Variants in YWHAH observed in about 807,000 individuals in gnomAD.
YWHAH encodes tyrosine 3-monooxygenase/tryptophan 5-monooxygenase activation protein eta.
YWHAH carries 6 observed loss-of-function variants against 22.9 expected under a neutral mutation model. The ratio of observed to expected loss-of-function variants is 0.26; its 90% CI spans 0.14 to 0.52. YWHAH has a LOEUF of 0.52. Ranked by LOEUF, YWHAH falls within the 20% of genes least tolerant of loss-of-function variation. YWHAH has a pLI of 0.97. For missense variants in YWHAH, 173 were observed against 308.6 expected (o/e 0.56, Z 3.29); for synonymous variants, 135 against 124.5 (o/e 1.08, Z -0.56).
intron 1 of YWHAH, among the ~76,000 whole-genome samples, chr22:31,948,556 G>T (rs1056403035): frequency 6.6e-6 from 1 of 151,982 alleles, no homozygotes; most frequent in African/African-American, 2.4e-5. Context: ...TTATTAAATT[G>T]TATAGACAGG....
intron 1 of YWHAH, among the ~76,000 whole-genome samples, chr22:31,950,958 A>G (rs1164087178): frequency 2.6e-5 from 4 of 152,098 alleles, no homozygotes; most frequent in South Asian, 2.1e-4. Context: ...GTGCAGTGGC[A>G]CAGTCCTGGC....
In YWHAH at chr22:31,956,451, T is replaced by G. The variant is rs2093849720; in HGVS notation, c.400T>G (p.Leu134Val). The change falls in exon 2 of 2, where the codon TTA (leucine) becomes GTA (valine). Residue 134 changes from leucine to valine, a missense_variant. By Grantham distance (32) the Leu-to-Val change is conservative (BLOSUM62 1). Coordinates refer to ENST00000248975, the MANE Select transcript of YWHAH (RefSeq NM_003405.4). This position sits in a 1 kb window ranked among gnomAD's most constrained non-coding sequence, Gnocchi z 5.1. ...LKMKGDYYRY[L>V]AEVASGEKKN... ...AATGAAGGGTGATTACTACCGCTAC[T>G]TAGCAGAGGTCGCTTCTGGGGAGAA... 6.2e-7 allele frequency: 1 copy of G among 1,614,184 alleles called. No homozygotes were observed. The highest frequency in any genetic ancestry group is 8.5e-7 in the Non-Finnish European group (1 of 1,180,028).
Position 31,956,765 on chromosome 22 carries a change from G to A in YWHAH, c.714G>A (p.Gln238=). The change falls in exon 2 of 2, where the codon CAG becomes CAA. Residue 238 remains glutamine (Q), a synonymous_variant. Coordinates refer to ENST00000248975, the MANE Select transcript of YWHAH (RefSeq NM_003405.4). This position sits in a 1 kb window ranked among gnomAD's most constrained non-coding sequence, Gnocchi z 5.1. ...TCACCCTCTGGACGAGCGACCAGCAGGATGAAGAAGCAGGAGAAGGCAACT... is the reference window on the plus strand; with the variant it reads ...TCACCCTCTGGACGAGCGACCAGCAAGATGAAGAAGCAGGAGAAGGCAACT... ...DNLTLWTSDQ[Q]DEEAGEGN is the part of the protein sequence containing the mutation. The A allele has an allele frequency of 1.2e-6, 2 of 1,606,012 alleles. No individual in the cohort carries two copies. Among genetic ancestry groups the A allele is most frequent in the Non-Finnish European group, 1.7e-6 (2 of 1,175,668 alleles).
intron 1 of YWHAH, among the ~76,000 whole-genome samples, chr22:31,948,940 G>A (rs916083756): frequency 7.2e-5 from 11 of 152,216 alleles, no homozygotes; most frequent in African/African-American, 1.9e-4. Flanking sequence ...TCCACAGTCC[G>A]GAACTGACTC....
At chr22:31,948,169 A>T (rs892770590) in intron 1 of YWHAH, among the ~76,000 whole-genome samples, 1 of 152,224 alleles carries the variant, frequency 6.6e-6, no homozygotes, top group African/African-American at 2.4e-5. Context: ...GCTCCCTAGA[A>T]ATCTTAAGTG....
intron 1 of YWHAH, chr22:31,947,627 C>CTCTT: frequency 3.3e-6 from 1 of 299,830 alleles, no homozygotes. Context: ...TATCTTCAAG[C>CTCTT]TCTATCTCAT....
chr22:31,952,589 G>A (rs1227917403), intron 1 of YWHAH, among the ~76,000 whole-genome samples: 1 of 152,120 alleles, frequency 6.6e-6, no homozygotes, highest in Non-Finnish European at 1.5e-5. Context: ...CTCTGGCTGG[G>A]GTATTAGGAA....
intron 1 of YWHAH, among the ~76,000 whole-genome samples, chr22:31,946,588 AG>A (rs1277082658): frequency 6.6e-6 from 1 of 152,188 alleles, no homozygotes; most frequent in Non-Finnish European, 1.5e-5. Flanking sequence ...AGGAGGGACG[AG>A]GTTTAAAGGA....
chr22:31,945,116 G>A, intron 1 of YWHAH: 1 of 1,077,604 alleles, frequency 9.3e-7, no homozygotes, highest in Non-Finnish European at 1.1e-6. Flanking sequence ...ACCCGGCCGG[G>A]GGCAGAGGGT....
chr22:31,945,043 G>A lies in YWHAH; in HGVS notation c.87+223G>A, dbSNP rs948296102. The A allele has an allele frequency of 3.6e-6, 4 of 1,116,492 alleles. No homozygotes were observed. The African/African-American group carries it at 6.6e-5, about 18-fold the overall frequency. The allele number at this position is 1,116,492 out of a possible 1,614,324, so 69.2% of individuals were successfully genotyped here. A position where few individuals can be genotyped will look rare whatever the true frequency, so the allele number is the denominator to read the frequency against. On this transcript the variant is annotated intron_variant, in intron 1 of 1. Transcript: ENST00000248975. ...GGGGGATCCGGGAGGGTGCAGTTCG[G>A]GATCGCGAAGGCAGCCCCGGAAGGG...
At chr22:31,951,380 C>T (rs1317785362) in intron 1 of YWHAH, among the ~76,000 whole-genome samples, 1 of 152,066 alleles carries the variant, frequency 6.6e-6, no homozygotes, top group Non-Finnish European at 1.5e-5. Context: ...AAGGATGAGC[C>T]CATAGCATGT....
In YWHAH at chr22:31,956,815, C is replaced by T. The variant is rs2149469067; in HGVS notation, c.*23C>T. ...TGAAGATCCTTCAGGTCCCCTGGCCCTTCCTTCACCCACCACCCCCATCAT... is the reference window on the plus strand; with the variant it reads ...TGAAGATCCTTCAGGTCCCCTGGCCTTTCCTTCACCCACCACCCCCATCAT... On this transcript the variant is annotated 3_prime_UTR_variant, in exon 2 of 2. Coordinates refer to ENST00000248975, the MANE Select transcript of YWHAH (RefSeq NM_003405.4). The surrounding 1 kb of genome is among the most constrained non-coding windows in gnomAD (Gnocchi z 5.1). 2 of 1,544,600 alleles carry T rather than the reference C, an allele frequency of 1.3e-6. No individual in the cohort carries two copies. Among genetic ancestry groups the T allele is most frequent in the Non-Finnish European group, 1.7e-6 (2 of 1,145,054 alleles).
chr22:31,947,247 C>A (rs2093836273), intron 1 of YWHAH, among the ~76,000 whole-genome samples: 1 of 152,176 alleles, frequency 6.6e-6, no homozygotes. Flanking sequence ...GAGCAGGACA[C>A]ATGTGTTAAG....
Position 31,957,561 on chromosome 22 carries a change from T to C in YWHAH, c.*769T>C, listed in dbSNP as rs952046574. 7.2e-5 allele frequency: 11 copies of C among 152,794 alleles called. No individual in the cohort carries two copies. The highest frequency in any genetic ancestry group is 2.2e-4 in the African/African-American group (9 of 41,578). The allele number at this position is 152,794 out of a possible 1,614,324, so 9.5% of individuals were successfully genotyped here. A position where few individuals can be genotyped will look rare whatever the true frequency, so the allele number is the denominator to read the frequency against. Reference sequence around the variant, plus strand: ...AATGCCAGACTTCTAAAATAAATGTTTTGGAATTCAATGGGTAAATAAATG... The same window carrying C: ...AATGCCAGACTTCTAAAATAAATGTCTTGGAATTCAATGGGTAAATAAATG... On this transcript the variant is annotated 3_prime_UTR_variant, in exon 2 of 2. Coordinates refer to ENST00000248975, the MANE Select transcript of YWHAH (RefSeq NM_003405.4).
intron 1 of YWHAH, chr22:31,945,385 G>C: frequency 7.7e-7 from 1 of 1,295,514 alleles, no homozygotes; most frequent in Non-Finnish European, 1.0e-6. Flanking sequence ...CTTTCCTGCA[G>C]TCTAGGCGTG....
At chr22:31,951,298 A>T (rs1348069168) in intron 1 of YWHAH, among the ~76,000 whole-genome samples, 2 of 152,226 alleles carry the variant, frequency 1.3e-5, no homozygotes, top group Non-Finnish European at 2.9e-5. Context: ...GGTTATGTTT[A>T]CTTAATCATG....
intron 1 of YWHAH, chr22:31,950,544 C>T (rs1569275499): frequency 1.1e-5 from 6 of 537,394 alleles, no homozygotes; most frequent in Non-Finnish European, 2.0e-5. Context: ...TTAATCCTTG[C>T]CAATCCCCAT....
chr22:31,956,800 TC>T lies in YWHAH; in HGVS notation c.*9del. ...GCAGGAGAAGGCAACTGAAGATCCT[TC>T]AGGTCCCCTGGCCCTTCCTTCACCC... On this transcript the variant is annotated 3_prime_UTR_variant, in exon 2 of 2. Coordinates refer to ENST00000248975, the MANE Select transcript of YWHAH (RefSeq NM_003405.4). This position sits in a 1 kb window ranked among gnomAD's most constrained non-coding sequence, Gnocchi z 5.1. 1 of 1,574,376 alleles carries T rather than the reference TC, an allele frequency of 6.4e-7. No homozygotes were observed. The highest frequency in any genetic ancestry group is 8.6e-7 in the Non-Finnish European group (1 of 1,159,920).
intron 1 of YWHAH, chr22:31,945,551 C>G (rs912548410): frequency 6.9e-6 from 9 of 1,304,018 alleles, no homozygotes; most frequent in Non-Finnish European, 9.1e-6. Flanking sequence ...TAAATCGATT[C>G]TGCAGCTTCT....
Sources: allele counts gnomAD v4.1 joint callset (sites outside exome capture counted in the v4.1 genomes callset), GRCh38; gene constraint gnomAD v4.1.1; non-coding constraint Gnocchi (gnomAD v3.1); transcripts MANE v1.5; gene names NCBI Gene and HGNC (gene_info 2026-07-23, HGNC 2026-07-21).